Variants in TRPC6 observed in about 807,000 individuals in gnomAD.
The protein encoded by TRPC6 is short transient receptor potential channel 6.
A neutral mutation model predicts 90.7 loss-of-function variants in TRPC6; 55 were observed. The observed-to-expected ratio is 0.61, with a 90% CI of 0.49 to 0.76. The LOEUF (loss-of-function observed/expected upper bound fraction) is 0.76, where lower values mean the gene tolerates loss of function less well. Ranked by LOEUF, TRPC6 falls within the 30% of genes least tolerant of loss-of-function variation. TRPC6 has a pLI of 0.00. For synonymous variants in TRPC6, 393 were observed against 393.0 expected (o/e 1.00, Z 0.00); for missense variants, 989 against 1,122.7 (o/e 0.88, Z 1.70).
At chr11:101,500,615 C>G (rs781269558) in intron 2 of TRPC6, among the ~76,000 whole-genome samples, 1 of 151,748 alleles carries the variant, frequency 6.6e-6, no homozygotes, top group Non-Finnish European at 1.5e-5. Flanking sequence ...ATATCCAGAG[C>G]CTTTTAGCAA....
chr11:101,543,183 C>T (rs1234991126), intron 1 of TRPC6, among the ~76,000 whole-genome samples: 1 of 151,966 alleles, frequency 6.6e-6, no homozygotes, highest in Non-Finnish European at 1.5e-5. Flanking sequence ...CAGGAAAGAG[C>T]TAATAAAGAA....
chr11:101,494,926 G>T (rs941594030), intron 2 of TRPC6, among the ~76,000 whole-genome samples: 1 of 152,134 alleles, frequency 6.6e-6, no homozygotes, highest in Non-Finnish European at 1.5e-5. Flanking sequence ...CATATTTTCA[G>T]TTATTGACAT....
intron 1 of TRPC6, among the ~76,000 whole-genome samples, chr11:101,545,776 T>C (rs1183082680): frequency 6.6e-6 from 1 of 152,204 alleles, no homozygotes; most frequent in Non-Finnish European, 1.5e-5. Flanking sequence ...TTTACCTTCC[T>C]TTAATTAAGA....
At chr11:101,493,965 A>G (rs971990206) in intron 2 of TRPC6, among the ~76,000 whole-genome samples, 4 of 152,216 alleles carry the variant, frequency 2.6e-5, no homozygotes, top group African/African-American at 9.6e-5. Context: ...GCTAAACTGC[A>G]GGTCCAAAAA....
chr11:101,463,066 T>A (rs553082429), intron 10 of TRPC6, among the ~76,000 whole-genome samples: 5 of 152,276 alleles, frequency 3.3e-5, no homozygotes, highest in African/African-American at 1.2e-4. Context: ...ATTGAGATAA[T>A]CATGTGGTTT....
chr11:101,578,560 T>G (rs1862120997), intron 1 of TRPC6, among the ~76,000 whole-genome samples: 2 of 152,306 alleles, frequency 1.3e-5, no homozygotes, highest in South Asian at 4.1e-4. Flanking sequence ...AAAACCCTCT[T>G]GAAGTCAATA....
chr11:101,453,226 A>AAAGGAAAT, intron 12 of TRPC6, 120 bp from the exon 13 acceptor site: 1 of 1,037,222 alleles, frequency 9.6e-7, no homozygotes, highest in Non-Finnish European at 1.5e-6. Context: ...GAATCCTTTG[A>AAAGGAAAT]AAGGAAATAA....
intron 1 of TRPC6, among the ~76,000 whole-genome samples, chr11:101,549,969 A>G (rs1341998285): frequency 6.6e-6 from 1 of 151,584 alleles, no homozygotes; most frequent in Non-Finnish European, 1.5e-5. Flanking sequence ...AAAGTATACA[A>G]GACTGATACC....
rs191947708 is a variant in TRPC6 at position 101,553,961 on chromosome 11, T to C, written c.170+29373A>G. Among the ~76,000 whole-genome samples the C allele has an allele frequency of 3.4e-4, 52 of 152,164 alleles. 1 individual carries two copies. Among genetic ancestry groups the C allele is most frequent in the African/African-American group, 1.1e-3 (47 of 41,526 alleles). Reference sequence around the variant, plus strand: ...AGTGTTCATAGTTCTGTGGGGAAAATGTTTATGTGAACACATTTCACACAT... The same window carrying C: ...AGTGTTCATAGTTCTGTGGGGAAAACGTTTATGTGAACACATTTCACACAT... On this transcript the variant is annotated intron_variant, in intron 1 of 12. Transcript: ENST00000344327.
At chr11:101,471,058 G>A (rs1036773908) in intron 9 of TRPC6, 125 bp downstream of exon 9, 7 of 875,734 alleles carry the variant, frequency 8.0e-6, no homozygotes, top group Middle Eastern at 6.6e-4. Flanking sequence ...GCTGTGTGAA[G>A]TGACTGCATA....
chr11:101,536,946 G>T (rs1428849792), intron 1 of TRPC6, among the ~76,000 whole-genome samples: 1 of 152,184 alleles, frequency 6.6e-6, no homozygotes, highest in South Asian at 2.1e-4. Context: ...GATGGAAAGG[G>T]GTTGATGAAT....
At chr11:101,470,809 C>T (rs1347745336) in intron 9 of TRPC6, among the ~76,000 whole-genome samples, 4 of 43,300 alleles carry the variant, frequency 9.2e-5, no homozygotes, top group Non-Finnish European at 1.3e-4. Context: ...GTTGCCCCGC[C>T]CCCCCCCCCT....
chr11:101,488,005 T>G (rs897084342), intron 4 of TRPC6, among the ~76,000 whole-genome samples: 1 of 152,150 alleles, frequency 6.6e-6, no homozygotes, highest in African/African-American at 2.4e-5. Flanking sequence ...GCCCACATAT[T>G]ACGAATGTTT....
chr11:101,583,907 C>T lies in TRPC6; in HGVS notation c.-404G>A, dbSNP rs1015147680. The T allele has an allele frequency of 1.2e-5, 2 of 171,970 alleles. No homozygotes were observed. The highest frequency in any genetic ancestry group is 3.2e-4 in the East Asian group (2 of 6,342). The allele number at this position is 171,970 out of a possible 1,614,324, so 10.7% of individuals were successfully genotyped here. A position where few individuals can be genotyped will look rare whatever the true frequency, so the allele number is the denominator to read the frequency against. On this transcript the variant is annotated 5_prime_UTR_variant, in exon 1 of 13. Coordinates refer to ENST00000344327, the MANE Select transcript of TRPC6 (RefSeq NM_004621.6). ...AGCCCTCAGCTCCCGCCTTCATCCCCCGCACTCTCCGTCAAGATCCCCACC... is the reference window on the plus strand; with the variant it reads ...AGCCCTCAGCTCCCGCCTTCATCCCTCGCACTCTCCGTCAAGATCCCCACC...
chr11:101,579,219 AT>A (rs995892285), intron 1 of TRPC6, among the ~76,000 whole-genome samples: 5 of 151,658 alleles, frequency 3.3e-5, no homozygotes, highest in African/African-American at 7.3e-5. Context: ...CCTTCCATTA[AT>A]TTTTTTTAAG....
At position 101,453,046 on chromosome 11, in the gene TRPC6, T is replaced by G; in HGVS notation, c.2705A>C (p.Lys902Thr). Residue 902 changes from lysine to threonine, a missense_variant, in exon 13 of 13, where the codon AAA becomes ACA. Physicochemically the swap from Lys to Thr is moderately conservative, Grantham distance 78. This residue lies in a region of TRPC6 where 191 missense variants were observed against 196.7 expected (regional missense o/e 0.97). Coordinates refer to ENST00000344327, the MANE Select transcript of TRPC6 (RefSeq NM_004621.6). ...TGCTAGGTCTTCTGTATTCTGAGAT[T>G]TTTCTTCAAGGAGTTCATAGCGGAG... ...SSLRYELLEE[K>T]SQNTEDLAEL... 1 of 1,613,920 alleles carries G rather than the reference T, an allele frequency of 6.2e-7. No individual in the cohort carries two copies. Among genetic ancestry groups the G allele is most frequent in the Non-Finnish European group, 8.5e-7 (1 of 1,179,874 alleles).
Position 101,452,921 on chromosome 11 carries a change from CA to C in TRPC6, c.*33del, listed in dbSNP as rs753955901. 6.1e-4 allele frequency: 982 copies of C among 1,612,300 alleles called. 1 individual carries two copies. The highest frequency in any genetic ancestry group is 5.1e-3 in the Middle Eastern group (31 of 6,034). ...AGAAAATAATATGGCTTCAAGTGGA[CA>C]AATAAATATGAATTTCTAAGGAAGT... is the stretch of plus-strand genomic sequence containing the variant. On this transcript the variant is annotated 3_prime_UTR_variant, in exon 13 of 13. Transcript: ENST00000344327.
chr11:101,558,747 G>C (rs1861646799), intron 1 of TRPC6, among the ~76,000 whole-genome samples: 1 of 152,040 alleles, frequency 6.6e-6, no homozygotes, highest in African/African-American at 2.4e-5. Flanking sequence ...AAGGTGCCAA[G>C]AATACACAAT....
chr11:101,561,366 AAAGT>A (rs1439859080), intron 1 of TRPC6, among the ~76,000 whole-genome samples: 8 of 152,208 alleles, frequency 5.3e-5, no homozygotes, highest in Admixed American at 4.6e-4. Flanking sequence ...AGATATACAT[AAAGT>A]AAGTCATTCA....
Sources: allele counts gnomAD v4.1 joint callset (sites outside exome capture counted in the v4.1 genomes callset), GRCh38; gene constraint gnomAD v4.1.1; regional missense constraint gnomAD v4.1.1; transcripts MANE v1.5; gene names NCBI Gene and HGNC (gene_info 2026-07-23, HGNC 2026-07-21).